ZNF516: variants seen among roughly 807,000 people sequenced by gnomAD.
The protein encoded by ZNF516 is zinc finger protein 516.
A neutral mutation model predicts 79.7 loss-of-function variants in ZNF516; 19 were observed. That is an observed-to-expected ratio of 0.24 (90% CI 0.17 to 0.35). ZNF516 has a LOEUF of 0.35. Ranked by LOEUF, ZNF516 falls within the 10% of genes least tolerant of loss-of-function variation. The pLI, the probability that ZNF516 is intolerant of heterozygous loss-of-function variation, is 1.00. For synonymous variants in ZNF516, 877 were observed against 739.5 expected (o/e 1.19, Z -3.02); for missense variants, 1,678 against 1,679.5 (o/e 1.00, Z 0.02).
intron 3 of ZNF516, among the ~76,000 whole-genome samples, chr18:76,380,550 A>G (rs779327739): frequency 6.6e-6 from 1 of 152,162 alleles, no homozygotes; most frequent in Non-Finnish European, 1.5e-5. Flanking sequence ...AAAATACAAT[A>G]GCAGTGGTGT....
chr18:76,444,644 C>T lies in ZNF516; in HGVS notation c.-157-1433G>A, dbSNP rs541574017. ...GCAGCCTCCCAGGTTTTCATGGAAG[C>T]AGATGGGACACAGAAAAGAATACTG... On this transcript the variant is annotated intron_variant, in intron 2 of 6. Transcript: ENST00000443185. Among the ~76,000 whole-genome samples, 4 of 152,300 alleles carry T rather than the reference C, an allele frequency of 2.6e-5. No individual in the cohort carries two copies. In the South Asian group the frequency reaches 8.3e-4, roughly 32 times the overall value.
intron 2 of ZNF516, among the ~76,000 whole-genome samples, chr18:76,460,151 G>A (rs1043502000): frequency 1.3e-5 from 2 of 152,184 alleles, no homozygotes; most frequent in Admixed American, 6.5e-5. Context: ...GCGGAACTCC[G>A]ATGACTCCTA....
intron 1 of ZNF516, among the ~76,000 whole-genome samples, chr18:76,480,562 G>A (rs62110939): frequency 0.12 from 17,725 of 147,372 alleles, 1,292 homozygotes; most frequent in Middle Eastern, 0.21. Flanking sequence ...TTGCTCTGTC[G>A]CCCAGACTGG....
At chr18:76,370,476 T>C (rs533278800) in intron 6 of ZNF516, 52 bp downstream of exon 6, 2 of 1,519,750 alleles carry the variant, frequency 1.3e-6, no homozygotes, top group Admixed American at 2.0e-5. Context: ...ATGGTGCACC[T>C]TTCCCAGCTA....
intron 2 of ZNF516, among the ~76,000 whole-genome samples, chr18:76,458,396 C>T (rs909452003): frequency 1.3e-5 from 2 of 152,282 alleles, no homozygotes; most frequent in Admixed American, 6.5e-5. Flanking sequence ...AAAAAGAAAA[C>T]GTCAGTGGGG....
intron 1 of ZNF516, among the ~76,000 whole-genome samples, chr18:76,481,230 T>C (rs1400804535): frequency 6.6e-6 from 1 of 152,246 alleles, no homozygotes; most frequent in Non-Finnish European, 1.5e-5. Context: ...CATCAAATTC[T>C]CTTCAGATCA....
Position 76,441,707 on chromosome 18 carries a change from C to G in ZNF516, c.1348G>C (p.Asp450His), listed in dbSNP as rs930073409. The G allele has an allele frequency of 1.6e-5, 25 of 1,570,950 alleles. No homozygotes were observed. The highest frequency in any genetic ancestry group is 2.7e-5 in the African/African-American group (2 of 73,944). ...AGGACGTACTCGCGCCTGTCCTTGT[C>G]GAAGGCCACGTCCCCGGCCAGCGCC... ...DEALAGDVAF[D>H]KDRREYVLVS... The change falls in exon 3 of 7, where the codon GAC becomes CAC. Residue 450 changes from aspartate to histidine, a missense_variant. By Grantham distance (81) the Asp-to-His change is moderately conservative. Around this residue, in one of 5 missense-constraint regions of ZNF516, gnomAD observed 1,294 missense variants for 1,248.3 expected, o/e 1.04. Coordinates refer to ENST00000443185, the MANE Select transcript of ZNF516 (RefSeq NM_014643.4).
chr18:76,396,392 C>T (rs1412130208), intron 3 of ZNF516, among the ~76,000 whole-genome samples: 1 of 152,076 alleles, frequency 6.6e-6, no homozygotes, highest in Non-Finnish European at 1.5e-5. Context: ...GCCAGGAGCC[C>T]GACGCTGTCT....
At chr18:76,489,738 T>C (rs1014988609) in intron 1 of ZNF516, among the ~76,000 whole-genome samples, 2 of 152,202 alleles carry the variant, frequency 1.3e-5, no homozygotes, top group East Asian at 3.8e-4. Flanking sequence ...CAACAATTCA[T>C]AGCAGACACA....
intron 3 of ZNF516, among the ~76,000 whole-genome samples, chr18:76,398,900 G>C (rs1354325857): frequency 6.6e-6 from 1 of 151,926 alleles, no homozygotes; most frequent in Non-Finnish European, 1.5e-5. Flanking sequence ...CAAAGAAACT[G>C]TAATGAGTCT....
chr18:76,492,946 C>G, intron 1 of ZNF516: 2 of 985,612 alleles, frequency 2.0e-6, no homozygotes, highest in Non-Finnish European at 2.4e-6. Context: ...CCAGACTTCA[C>G]AGTGTGCAGA....
chr18:76,414,609 C>T (rs1229201871), intron 3 of ZNF516, among the ~76,000 whole-genome samples: 3 of 152,142 alleles, frequency 2.0e-5, no homozygotes, highest in East Asian at 1.9e-4. Flanking sequence ...TTTCTTCACC[C>T]GAAGAAGGTT....
Position 76,468,833 on chromosome 18 carries a change from A to C in ZNF516, c.-271-5692T>G, listed in dbSNP as rs569239411. Among the ~76,000 whole-genome samples the C allele has an allele frequency of 2.0e-4, 30 of 152,308 alleles. No individual in the cohort carries two copies. The South Asian group carries it at 5.2e-3, about 26-fold the overall frequency. ...TGTCACTTGAGAAGAGTAACTTAAA[A>C]TGCTGAGCCATCTTCCCCATCAGTT... On this transcript the variant is annotated intron_variant, in intron 1 of 6. Coordinates refer to ENST00000443185, the MANE Select transcript of ZNF516 (RefSeq NM_014643.4).
chr18:76,384,617 C>T (rs1038911129), intron 3 of ZNF516, among the ~76,000 whole-genome samples: 3 of 147,836 alleles, frequency 2.0e-5, no homozygotes, highest in Non-Finnish European at 4.5e-5. Flanking sequence ...ACCCCCCCTA[C>T]AGTTGGGACC....
intron 3 of ZNF516, among the ~76,000 whole-genome samples, chr18:76,404,191 T>C (rs1344421158): frequency 6.6e-6 from 1 of 152,228 alleles, no homozygotes; most frequent in Non-Finnish European, 1.5e-5. Context: ...CGGAAGCAGG[T>C]GGTCCCACAT....
chr18:76,402,658 T>G (rs1302253583), intron 3 of ZNF516, among the ~76,000 whole-genome samples: 1 of 152,210 alleles, frequency 6.6e-6, no homozygotes, highest in Non-Finnish European at 1.5e-5. Context: ...GCAACAGATC[T>G]GAACGACTAA....
In ZNF516 at chr18:76,380,291, C is replaced by T. The variant is rs373968169; in HGVS notation, c.1823G>A (p.Arg608His). 189 of 1,613,230 alleles carry T rather than the reference C, an allele frequency of 1.2e-4. No individual in the cohort carries two copies. The highest frequency in any genetic ancestry group is 9.4e-4 in the East Asian group (42 of 44,854). Residue 608 changes from arginine to histidine, a missense_variant, in exon 4 of 7, where the codon CGC (arginine) becomes CAC (histidine). Transcript: ENST00000443185. ...APEPAPGGQP[R>H]RCCFSEEVTS... is the part of the protein sequence containing the mutation. ...CACCTCTTCGGAAAAGCAGCAGCGGCGCGGCTGTCCCCCTAGAGGAGGCAA... is the reference window on the plus strand; with the variant it reads ...CACCTCTTCGGAAAAGCAGCAGCGGTGCGGCTGTCCCCCTAGAGGAGGCAA...
chr18:76,408,497 A>T (rs2145280742), intron 3 of ZNF516, among the ~76,000 whole-genome samples: 1 of 152,300 alleles, frequency 6.6e-6, no homozygotes, highest in East Asian at 1.9e-4. Flanking sequence ...GTACACTGTG[A>T]GGTTTAAGGG....
chr18:76,424,962 C>T (rs2075572988), intron 3 of ZNF516, among the ~76,000 whole-genome samples: 1 of 133,720 alleles, frequency 7.5e-6, no homozygotes, highest in Non-Finnish European at 1.6e-5. Context: ...GGTGAAAAGG[C>T]TCCCCCCGAA....
Sources: gnomAD v4.1 joint callset for allele counts (sites outside exome capture counted in the v4.1 genomes callset) on GRCh38, gnomAD v4.1.1 for gene constraint, gnomAD v4.1.1 regional missense constraint, MANE v1.5 for transcripts, NCBI Gene and HGNC (gene_info 2026-07-23, HGNC 2026-07-21) for gene names.